Variants in CDH4 observed in about 807,000 individuals in gnomAD.
CDH4 encodes cadherin 4, also known as cadherin-4.
In CDH4, 33 loss-of-function variants were observed where a neutral mutation model predicts 86.0. That is an observed-to-expected ratio of 0.38 (90% CI 0.29 to 0.51). CDH4 has a LOEUF of 0.51. CDH4 is among the 20% of genes least tolerant of loss of function. The probability of loss-of-function intolerance (pLI) is 0.86; values close to 1 mark genes in which losing one functional copy is unlikely to be tolerated. For missense variants in CDH4, 1,114 were observed against 1,307.4 expected (o/e 0.85, Z 2.28); for synonymous variants, 555 against 549.4 (o/e 1.01, Z -0.14).
intron 2 of CDH4, among the ~76,000 whole-genome samples, chr20:61,541,442 G>C (rs1399193685): frequency 1.3e-5 from 2 of 152,172 alleles, no homozygotes; most frequent in South Asian, 2.1e-4. Context: ...AAGCACACTG[G>C]CTAATTTTCT....
At chr20:61,611,844 A>G (rs899673223) in intron 2 of CDH4, among the ~76,000 whole-genome samples, 4 of 152,036 alleles carry the variant, frequency 2.6e-5, no homozygotes, top group African/African-American at 9.7e-5. Flanking sequence ...CTTGGGCTCC[A>G]CCAGGGCTTC....
rs997872876 is a variant in CDH4, at chr20:61,717,899, G to A, written c.170-25664G>A. 4.6e-5 allele frequency: 7 copies of A among 152,286 alleles called. 1 individual carries two copies. The East Asian group carries it at 9.6e-4, about 21-fold the overall frequency. The allele number at this position is 152,286 out of a possible 1,614,324, so 9.4% of individuals were successfully genotyped here. On this transcript the variant is annotated intron_variant, in intron 2 of 15. Transcript: ENST00000614565. The stretch of plus-strand genomic sequence containing the variant: ...TAGTTTAGTGGAAGGGACTGACATG[G>A]AGACAGGAGAGTGGGCTCTGGCACT...
chr20:61,505,252 C>T (rs751293682), intron 2 of CDH4, among the ~76,000 whole-genome samples: 5 of 152,156 alleles, frequency 3.3e-5, no homozygotes, highest in Admixed American at 6.5e-5. Flanking sequence ...GCAGCACCGT[C>T]ATCAGCCTGG....
At chr20:61,390,071 C>A (rs193039406) in intron 2 of CDH4, among the ~76,000 whole-genome samples, 89 of 150,474 alleles carry the variant, frequency 5.9e-4, no homozygotes, top group Admixed American at 1.3e-3. Context: ...CCCATAGTGC[C>A]ACGTCTGGGA....
chr20:61,404,378 C>T (rs772838511), intron 2 of CDH4, among the ~76,000 whole-genome samples: 8 of 152,192 alleles, frequency 5.3e-5, no homozygotes, highest in Non-Finnish European at 8.8e-5. Flanking sequence ...ACACCTTTCA[C>T]CCTCCTCCAC....
In CDH4 at chr20:61,325,735, T is replaced by A. The variant is rs1027243550; in HGVS notation, c.169+70798T>A. 7.2e-5 allele frequency among the ~76,000 whole-genome samples: 11 copies of A among 152,000 alleles called. No individual in the cohort carries two copies. The South Asian group carries it at 1.9e-3, about 26-fold the overall frequency. On this transcript the variant is annotated intron_variant, in intron 2 of 15. Transcript: ENST00000614565. Reference sequence around the variant, plus strand: ...GCAAGAGTGTTTATAGGTTTAATTTTAAAAAAAGAAAAAAAAGCAGCGCTG... The same window carrying A: ...GCAAGAGTGTTTATAGGTTTAATTTAAAAAAAAGAAAAAAAAGCAGCGCTG...
intron 2 of CDH4, among the ~76,000 whole-genome samples, chr20:61,445,482 G>A (rs2085344277): frequency 6.6e-6 from 1 of 152,166 alleles, no homozygotes; most frequent in African/African-American, 2.4e-5. Flanking sequence ...GCAGATGATA[G>A]GAAGGGTGGG....
intron 5 of CDH4, among the ~76,000 whole-genome samples, chr20:61,845,339 C>T (rs532671975): frequency 2.4e-4 from 36 of 152,392 alleles, no homozygotes; most frequent in Admixed American, 9.8e-4. Flanking sequence ...GAAAGGAGAG[C>T]CGCGCTGATT....
chr20:61,635,571 G>A (rs1205589870), intron 2 of CDH4, among the ~76,000 whole-genome samples: 1 of 152,172 alleles, frequency 6.6e-6, no homozygotes, highest in Non-Finnish European at 1.5e-5. Flanking sequence ...ATGGTCCCCT[G>A]AGAAGGACAG....
At chr20:61,730,506 G>C (rs1344423495) in intron 2 of CDH4, among the ~76,000 whole-genome samples, 1 of 152,204 alleles carries the variant, frequency 6.6e-6, no homozygotes, top group African/African-American at 2.4e-5. Flanking sequence ...CATTTTTGAA[G>C]CTAAGGGAAA....
intron 2 of CDH4, among the ~76,000 whole-genome samples, chr20:61,729,995 CTT>C (rs763482234): frequency 6.6e-6 from 1 of 152,146 alleles, no homozygotes; most frequent in Non-Finnish European, 1.5e-5. Context: ...TCTTAATAGA[CTT>C]TGGTTTTCAG....
intron 4 of CDH4, among the ~76,000 whole-genome samples, chr20:61,818,743 AGT>A (rs1980865289): frequency 6.7e-6 from 1 of 149,858 alleles, no homozygotes; most frequent in Non-Finnish European, 1.5e-5. Context: ...TGGGCCTAGG[AGT>A]GTTTCAGGCC....
At chr20:61,904,404 C>T (rs2054765659) in intron 8 of CDH4, among the ~76,000 whole-genome samples, 1 of 152,102 alleles carries the variant, frequency 6.6e-6, no homozygotes, top group Non-Finnish European at 1.5e-5. Context: ...GGCAGCTTCT[C>T]CCTCTTCCGT....
chr20:61,331,905 G>A (rs1021539027), intron 2 of CDH4, among the ~76,000 whole-genome samples: 12 of 152,294 alleles, frequency 7.9e-5, no homozygotes, highest in African/African-American at 2.4e-4. Context: ...CGTGTAAAAA[G>A]CGTGTGTTGA....
chr20:61,466,170 G>A lies in CDH4; in HGVS notation c.169+211233G>A, dbSNP rs1473284225. Among the ~76,000 whole-genome samples, 8 of 152,292 alleles carry A rather than the reference G, an allele frequency of 5.3e-5. 1 individual carries two copies. The South Asian group carries it at 6.2e-4, about 12-fold the overall frequency. The stretch of plus-strand genomic sequence containing the variant: ...ACAACAGCCAGCTGAAAATGGAAAG[G>A]TTTAGTCAGGAATTTACAAAGAACC... On this transcript the variant is annotated intron_variant, in intron 2 of 15. Transcript: ENST00000614565.
intron 6 of CDH4, among the ~76,000 whole-genome samples, chr20:61,870,280 C>T (rs1208796555): frequency 2.6e-5 from 4 of 152,194 alleles, no homozygotes; most frequent in Non-Finnish European, 5.9e-5. Context: ...ACATGACAAA[C>T]CCATGCACAA....
intron 2 of CDH4, among the ~76,000 whole-genome samples, chr20:61,574,494 C>A (rs926330121): frequency 6.6e-6 from 1 of 152,208 alleles, no homozygotes; most frequent in Non-Finnish European, 1.5e-5. Context: ...GACCCCCACC[C>A]CCCTTTCTCC....
At chr20:61,701,438 T>G (rs1036283778) in intron 2 of CDH4, among the ~76,000 whole-genome samples, 26 of 152,240 alleles carry the variant, frequency 1.7e-4, no homozygotes, top group African/African-American at 6.0e-4. Context: ...CCAGGGCTGG[T>G]GGACATCTGG....
chr20:61,307,194 G>T (rs530390491), intron 2 of CDH4, among the ~76,000 whole-genome samples: 7 of 152,220 alleles, frequency 4.6e-5, no homozygotes, highest in Non-Finnish European at 1.0e-4. Context: ...ATGCAAAGGC[G>T]GATCTGCAGT....
Sources: gnomAD v4.1 joint callset for allele counts (sites outside exome capture counted in the v4.1 genomes callset) on GRCh38, gnomAD v4.1.1 for gene constraint, MANE v1.5 for transcripts, NCBI Gene and HGNC (gene_info 2026-07-23, HGNC 2026-07-21) for gene names.